The following VAC14 variants were observed in gnomAD, a reference collection of about 807,000 sequenced individuals.
VAC14 encodes the protein VAC14 component of PIKFYVE complex.
A neutral mutation model predicts 85.3 loss-of-function variants in VAC14; 47 were observed. The observed-to-expected ratio is 0.55, with a 90% CI of 0.44 to 0.70. The LOEUF (loss-of-function observed/expected upper bound fraction) is 0.70, where lower values mean the gene tolerates loss of function less well. VAC14 is among the 30% of genes least tolerant of loss of function. The pLI is 0.00. For missense variants in VAC14, 861 were observed against 1,004.3 expected, an observed-to-expected ratio of 0.86 and a Z score of 1.93; for synonymous variants, 447 against 430.5, an observed-to-expected ratio of 1.04 and a Z score of -0.47.
chr16:70,728,585 GC>G (rs2054497630), intron 14 of VAC14, among the ~76,000 whole-genome samples: 1 of 152,194 alleles, frequency 6.6e-6, no homozygotes, highest in South Asian at 2.1e-4. Context: ...AGAGCCTCAG[GC>G]CCTGAGCGGG....
chr16:70,709,373 T>C (rs2053982836), intron 14 of VAC14, among the ~76,000 whole-genome samples: 1 of 151,894 alleles, frequency 6.6e-6, no homozygotes, highest in Non-Finnish European at 1.5e-5. Flanking sequence ...GCTGCAGAGA[T>C]CACTGGGGCC....
Position 70,800,995 on chromosome 16 carries a change from G to T in VAC14, c.-95C>A. On this transcript the variant is annotated 5_prime_UTR_variant, in exon 1 of 19. Transcript: ENST00000261776. ...TCTGCGGCTCCGCTCTGCCCCCGGC[G>T]CCGGCGCATGGACCACGCCGCTCTA... The T allele has an allele frequency of 2.4e-6, 2 of 819,954 alleles. No individual in the cohort carries two copies. The highest frequency in any genetic ancestry group is 3.5e-6 in the Non-Finnish European group (2 of 567,742). The allele number at this position is 819,954 out of a possible 1,614,324, so 50.8% of individuals were successfully genotyped here.
intron 12 of VAC14, chr16:70,756,192 C>T (rs2031841298): frequency 2.3e-6 from 1 of 430,696 alleles, no homozygotes; most frequent in African/African-American, 2.0e-5. Flanking sequence ...GGAAGCCAGG[C>T]AGCCTCACCC....
chr16:70,759,989 G>T (rs1379657956), intron 12 of VAC14, among the ~76,000 whole-genome samples: 1 of 152,152 alleles, frequency 6.6e-6, no homozygotes, highest in African/African-American at 2.4e-5. Flanking sequence ...ACGACTCCCC[G>T]CAGAGAACCG....
chr16:70,726,553 G>T (rs146702412), intron 14 of VAC14, among the ~76,000 whole-genome samples: 1 of 152,190 alleles, frequency 6.6e-6, no homozygotes, highest in Non-Finnish European at 1.5e-5. Context: ...CACTATCATC[G>T]CTGCGTCACA....
chr16:70,688,249 G>A, intron 18 of VAC14, 159 bp from the exon 19 acceptor site: 1 of 1,267,564 alleles, frequency 7.9e-7, no homozygotes, highest in Non-Finnish European at 9.9e-7. Flanking sequence ...GCGGGCCCCA[G>A]AGCTGGGAAG....
In VAC14 at chr16:70,698,761, T is replaced by A; in HGVS notation, c.1712A>T (p.Asp571Val). The A allele has an allele frequency of 6.2e-7, 1 of 1,614,166 alleles. No homozygotes were observed. The highest frequency in any genetic ancestry group is 8.5e-7 in the Non-Finnish European group (1 of 1,180,014). The change falls in exon 15 of 19, where the codon GAC becomes GTC. Residue 571 changes from aspartate (D) to valine (V), a missense_variant. Asp to Val is a radical substitution (Grantham distance 152). Around this residue, in one of 3 missense-constraint regions of VAC14, gnomAD observed 69 missense variants for 139.0 expected, o/e 0.50. Transcript: ENST00000261776. The stretch of plus-strand genomic sequence containing the variant: ...GAGGTCCTCCTCCCGCAGCAGGATG[T>A]CTGCCATTGAGTGGAAGATGTTCTC... ...NAENIFHSMA[D>V]ILLREEDLKF...
At chr16:70,727,464 C>T (rs986268956) in intron 14 of VAC14, among the ~76,000 whole-genome samples, 2 of 152,138 alleles carry the variant, frequency 1.3e-5, no homozygotes, top group Admixed American at 1.3e-4. Flanking sequence ...CTCAGTCTAC[C>T]GAGTAGCTGG....
chr16:70,791,992 C>G (rs2034360939), intron 1 of VAC14, among the ~76,000 whole-genome samples: 1 of 152,184 alleles, frequency 6.6e-6, no homozygotes, highest in South Asian at 2.1e-4. Context: ...GGCACCATTA[C>G]TAGGACCCAA....
intron 14 of VAC14, among the ~76,000 whole-genome samples, chr16:70,701,456 A>G (rs2053826868): frequency 6.6e-6 from 1 of 152,060 alleles, no homozygotes; most frequent in South Asian, 2.1e-4. Flanking sequence ...CCTGACCCCC[A>G]GTCCCTCTGC....
At chr16:70,695,813 T>C (rs982451530) in intron 16 of VAC14, 190 bp from the exon 17 acceptor site, 4 of 553,526 alleles carry the variant, frequency 7.2e-6, no homozygotes, top group Admixed American at 3.0e-5. Flanking sequence ...GGAACTCCCC[T>C]GTTCAGGAGT....
intron 14 of VAC14, chr16:70,715,784 G>A (rs965737509): frequency 4.6e-5 from 7 of 152,272 alleles, no homozygotes; most frequent in African/African-American, 1.7e-4. Context: ...CGGGGCTGTC[G>A]GGCCAAGGTG....
At chr16:70,712,911 C>T (rs1000763672) in intron 14 of VAC14, among the ~76,000 whole-genome samples, 4 of 152,196 alleles carry the variant, frequency 2.6e-5, no homozygotes, top group African/African-American at 4.8e-5. Context: ...AAGGTGCTAC[C>T]TCCCCAGGGC....
chr16:70,776,817 G>GTTT (rs777631640), intron 9 of VAC14, among the ~76,000 whole-genome samples: 1 of 140,732 alleles, frequency 7.1e-6, no homozygotes, highest in Non-Finnish European at 1.6e-5. Flanking sequence ...ATTCTACCAG[G>GTTT]TTTTTTTTTT....
chr16:70,783,706 A>C, intron 5 of VAC14, 152 bp from the exon 6 acceptor site: 1 of 733,970 alleles, frequency 1.4e-6, no homozygotes, highest in Non-Finnish European at 2.3e-6. Flanking sequence ...GGGTGCTGGC[A>C]AGGACAGTCA....
intron 10 of VAC14, among the ~76,000 whole-genome samples, chr16:70,765,923 T>A (rs1290084873): frequency 6.6e-6 from 1 of 151,984 alleles, no homozygotes; most frequent in Non-Finnish European, 1.5e-5. Flanking sequence ...TTTGAGGCCA[T>A]GAGTTTGAGA....
chr16:70,718,280 A>C (rs2054209751), intron 14 of VAC14, among the ~76,000 whole-genome samples: 2 of 152,160 alleles, frequency 1.3e-5, no homozygotes, highest in African/African-American at 4.8e-5. Flanking sequence ...TTTTAAGAAA[A>C]CTGTGCTTGG....
chr16:70,778,034 C>G (rs2033609832), intron 9 of VAC14, among the ~76,000 whole-genome samples: 1 of 152,172 alleles, frequency 6.6e-6, no homozygotes, highest in South Asian at 2.1e-4. Context: ...CAAATTAGCT[C>G]TTACCATCTC....
At position 70,791,530 on chromosome 16, in the gene VAC14, G is replaced by A. The variant is rs559535710; in HGVS notation, c.105-5165C>T. ...CTCCTGAGTAGCTGGAGTCACAGGC[G>A]CCTGCCATCACGCCTGGCTAATTTT... On this transcript the variant is annotated intron_variant, in intron 1 of 18. Transcript: ENST00000261776. Among the ~76,000 whole-genome samples, 9 of 152,242 alleles carry A rather than the reference G, an allele frequency of 5.9e-5. No homozygotes were observed. The East Asian group carries it at 1.4e-3, about 23-fold the overall frequency.
Sources: gnomAD v4.1 joint callset for allele counts (sites outside exome capture counted in the v4.1 genomes callset) on GRCh38, gnomAD v4.1.1 for gene constraint, gnomAD v4.1.1 regional missense constraint, MANE v1.5 for transcripts, NCBI Gene and HGNC (gene_info 2026-07-23, HGNC 2026-07-21) for gene names.